The following PCDHA10 variants were observed in gnomAD, a reference collection of about 807,000 sequenced individuals.
PCDHA10 encodes the protein protocadherin alpha 10.
PCDHA10 carries 45 observed loss-of-function variants against 61.2 expected under a neutral mutation model. The observed-to-expected ratio is 0.74, with a 90% CI of 0.58 to 0.94. The LOEUF is 0.94. Ranked by LOEUF, PCDHA10 falls within the 40% of genes least tolerant of loss-of-function variation. The pLI, the probability that PCDHA10 is intolerant of heterozygous loss-of-function variation, is 0.00. For synonymous variants in PCDHA10, 602 were observed against 548.8 expected, an observed-to-expected ratio of 1.10 and a Z score of -1.35; for missense variants, 1,278 against 1,236.2, an observed-to-expected ratio of 1.03 and a Z score of -0.51.
chr5:140,870,623 T>C, intron 1 of PCDHA10: 1 of 1,613,108 alleles, frequency 6.2e-7, no homozygotes. Context: ...TCGAGCTACG[T>C]GTCGGTGCAC....
At chr5:140,938,709 T>C (rs1473474040) in intron 1 of PCDHA10, among the ~76,000 whole-genome samples, 2 of 152,176 alleles carry the variant, frequency 1.3e-5, no homozygotes, top group African/African-American at 2.4e-5. Context: ...ATGTTTATGA[T>C]AGAAACGCGT....
At chr5:140,893,261 C>T (rs2063902016) in intron 1 of PCDHA10, among the ~76,000 whole-genome samples, 1 of 152,104 alleles carries the variant, frequency 6.6e-6, no homozygotes, top group Non-Finnish European at 1.5e-5. Context: ...TGGATAAATG[C>T]CCAATAGTGG....
chr5:140,954,842 T>C (rs1483926115), intron 1 of PCDHA10, among the ~76,000 whole-genome samples: 1 of 152,252 alleles, frequency 6.6e-6, no homozygotes, highest in Non-Finnish European at 1.5e-5. Flanking sequence ...ATGAAATCTT[T>C]GCCTGTGCCT....
chr5:141,001,435 A>G (rs1377491641), intron 3 of PCDHA10, among the ~76,000 whole-genome samples: 4 of 152,202 alleles, frequency 2.6e-5, no homozygotes, highest in African/African-American at 7.2e-5. Flanking sequence ...TTCCATGGAA[A>G]AGTCTTTCCA....
At chr5:140,983,588 C>T (rs530448589) in intron 3 of PCDHA10, among the ~76,000 whole-genome samples, 2 of 152,270 alleles carry the variant, frequency 1.3e-5, no homozygotes, top group East Asian at 3.9e-4. Flanking sequence ...TACATCTATT[C>T]TACATATGAG....
At chr5:140,893,570 G>A (rs1583135271) in intron 1 of PCDHA10, among the ~76,000 whole-genome samples, 1 of 152,154 alleles carries the variant, frequency 6.6e-6, no homozygotes, top group African/African-American at 2.4e-5. Context: ...TACTTCCTCA[G>A]TTTTTGCTTG....
At chr5:140,958,587 A>G (rs530889375) in intron 1 of PCDHA10, among the ~76,000 whole-genome samples, 36 of 152,292 alleles carry the variant, frequency 2.4e-4, no homozygotes, top group African/African-American at 8.2e-4. Context: ...AAATGAGCTT[A>G]TGATAATTGG....
chr5:140,983,504 G>A (rs2097054493), intron 3 of PCDHA10, among the ~76,000 whole-genome samples: 1 of 152,160 alleles, frequency 6.6e-6, no homozygotes, highest in Non-Finnish European at 1.5e-5. Flanking sequence ...GCCATAATAT[G>A]CCTAGACACT....
At chr5:140,979,043 C>A (rs782371496) in intron 2 of PCDHA10, 36 bp downstream of exon 2, 2 of 1,612,500 alleles carry the variant, frequency 1.2e-6, no homozygotes, top group Non-Finnish European at 1.7e-6. Context: ...CAGAAGTAAC[C>A]TTAACTTGGT....
Position 140,910,294 on chromosome 5 carries a change from A to C in PCDHA10, c.2388+51858A>C, listed in dbSNP as rs146332329. Among the ~76,000 whole-genome samples, 1,310 of 151,558 alleles carry C rather than the reference A, an allele frequency of 8.6e-3. 14 individuals carry two copies. The highest frequency in any genetic ancestry group is 0.03 in the African/African-American group (1,252 of 41,252). ...TCTAGGAACACCATGATTAATCAAC[A>C]GATGCCAGAGATCTACATGAGTCAG... On this transcript the variant is annotated intron_variant, in intron 1 of 3. Transcript: ENST00000307360.
rs781972089 is a variant in PCDHA10 at position 141,009,851 on chromosome 5, A to G, written c.2761A>G (p.Lys921Glu). 1 of 1,614,060 alleles carries G rather than the reference A, an allele frequency of 6.2e-7. No individual in the cohort carries two copies. Among genetic ancestry groups the G allele is most frequent in the Non-Finnish European group, 8.5e-7 (1 of 1,179,986 alleles). Residue 921 changes from lysine to glutamate, a missense_variant, in exon 4 of 4, where the codon AAG becomes GAG. Transcript: ENST00000307360. ...AACCTTCGGCAAAAAGGAGGAGACC[A>G]AGAAAAAGAAGAAAAAGAAGAAGGG... is the stretch of plus-strand genomic sequence containing the variant. ...FITFGKKEETKKKKKKKKGNK... is the reference protein window; with the variant it reads ...FITFGKKEETEKKKKKKKGNK...
At chr5:140,918,309 T>C (rs2078629927) in intron 1 of PCDHA10, among the ~76,000 whole-genome samples, 1 of 152,186 alleles carries the variant, frequency 6.6e-6, no homozygotes, top group Non-Finnish European at 1.5e-5. Context: ...TAGGGTTTTC[T>C]AGGTATAAAA....
At chr5:140,906,821 G>A (rs1354317622) in intron 1 of PCDHA10, among the ~76,000 whole-genome samples, 7 of 152,220 alleles carry the variant, frequency 4.6e-5, no homozygotes, top group Non-Finnish European at 7.3e-5. Flanking sequence ...CCACTGTGGA[G>A]TAGTAGACTG....
chr5:140,865,075 C>T (rs1441744566), intron 1 of PCDHA10: 2 of 152,110 alleles, frequency 1.3e-5, no homozygotes, highest in African/African-American at 4.8e-5. Flanking sequence ...AGTATAAGAA[C>T]CATGGGATAT....
In PCDHA10 at chr5:140,985,961, A is replaced by G. The variant is rs529433053; in HGVS notation, c.2536+3398A>G. ...TCACTGTGTTAGCCAGGATGGTCTCAATCTCCTGACCTCGTGATCCGCCCA... is the reference window on the plus strand; with the variant it reads ...TCACTGTGTTAGCCAGGATGGTCTCGATCTCCTGACCTCGTGATCCGCCCA... On this transcript the variant is annotated intron_variant, in intron 3 of 3. Transcript: ENST00000307360. 9.3e-3 allele frequency among the ~76,000 whole-genome samples: 1,411 copies of G among 151,982 alleles called. 12 individuals carry two copies. Among genetic ancestry groups the G allele is most frequent in the Non-Finnish European group, 0.015 (1,024 of 67,944 alleles).
chr5:140,919,957 G>GC (rs2079372992), intron 1 of PCDHA10, among the ~76,000 whole-genome samples: 1 of 148,640 alleles, frequency 6.7e-6, no homozygotes, highest in Non-Finnish European at 1.5e-5. Flanking sequence ...AGTTTGTTTT[G>GC]TTTTTTAAAT....
intron 1 of PCDHA10, among the ~76,000 whole-genome samples, chr5:140,872,046 C>T (rs1554166008): frequency 6.6e-6 from 1 of 152,230 alleles, no homozygotes; most frequent in Non-Finnish European, 1.5e-5. Context: ...AGAATTCTCC[C>T]ACTTCAGCCT....
intron 1 of PCDHA10, among the ~76,000 whole-genome samples, chr5:140,970,706 A>G (rs1266484266): frequency 6.6e-6 from 1 of 152,224 alleles, no homozygotes; most frequent in Non-Finnish European, 1.5e-5. Context: ...CTACTACACA[A>G]TGTGTGAACA....
Position 140,858,105 on chromosome 5 carries a change from C to A in PCDHA10, c.2057C>A (p.Ala686Glu), listed in dbSNP as rs782612207. The A allele has an allele frequency of 1.3e-6, 2 of 1,597,672 alleles. No homozygotes were observed. The highest frequency in any genetic ancestry group is 2.2e-5 in the East Asian group (1 of 44,818). The stretch of plus-strand genomic sequence containing the variant: ...TCGTCGCGGGCTTCAGTGGGCGTGG[C>A]GCCCGAGGTGGCCCTGGTGGATGTC... Reference protein sequence around the residue: ...KASSRASVGVAPEVALVDVNV... With the variant: ...KASSRASVGVEPEVALVDVNV... Residue 686 changes from alanine (A) to glutamate (E), a missense_variant, in exon 1 of 4, where the codon GCG becomes GAG. By Grantham distance (107) the Ala-to-Glu change is moderately radical. Transcript: ENST00000307360.
Sources: allele counts gnomAD v4.1 joint callset (sites outside exome capture counted in the v4.1 genomes callset), GRCh38; gene constraint gnomAD v4.1.1; transcripts MANE v1.5; gene names NCBI Gene and HGNC (gene_info 2026-07-23, HGNC 2026-07-21).